SRSF1: variants seen among roughly 807,000 people sequenced by gnomAD.
SRSF1 encodes serine and arginine rich splicing factor 1.
Under a neutral mutation model 25.9 loss-of-function variants are expected in SRSF1, and 1 was observed. The observed-to-expected ratio is 0.04, with a 90% CI of 0.01 to 0.18. SRSF1 has a LOEUF of 0.18. SRSF1 is among the 10% of genes least tolerant of loss of function. The pLI is 1.00. For missense variants in SRSF1, 65 were observed against 350.5 expected (o/e 0.19, Z 6.50); for synonymous variants, 132 against 126.2 (o/e 1.05, Z -0.31).
chr17:58,000,972 C>T lies in SRSF1; in HGVS notation c.*4434G>A, dbSNP rs752244803. Among the ~76,000 whole-genome samples, 12 of 152,054 alleles carry T rather than the reference C, an allele frequency of 7.9e-5. No individual in the cohort carries two copies. The highest frequency in any genetic ancestry group is 3.9e-4 in the Admixed American group (6 of 15,266). On this transcript the variant is annotated 3_prime_UTR_variant, in exon 4 of 4. Coordinates refer to ENST00000258962, the MANE Select transcript of SRSF1 (RefSeq NM_006924.5). ...TCAACAACAGAAAATCTTTTGTTTTCGTAGTTTTTGGATTTCAAAAAATGG... is the reference window on the plus strand; with the variant it reads ...TCAACAACAGAAAATCTTTTGTTTTTGTAGTTTTTGGATTTCAAAAAATGG...
downstream of SRSF1, among the ~76,000 whole-genome samples, chr17:57,999,660 T>C (rs1170508019): frequency 6.6e-6 from 1 of 152,202 alleles, no homozygotes; most frequent in Non-Finnish European, 1.5e-5. Flanking sequence ...TATTTCCTGC[T>C]TAATTTTGTG....
At chr17:57,996,712 A>T (rs979788790), downstream of SRSF1, among the ~76,000 whole-genome samples, 5 of 152,090 alleles carry the variant, frequency 3.3e-5, no homozygotes, top group Non-Finnish European at 7.4e-5. Flanking sequence ...TGGCAAAAGG[A>T]ATGGGGCTGC....
downstream of SRSF1, among the ~76,000 whole-genome samples, chr17:57,996,643 C>T (rs533289785): frequency 6.6e-6 from 1 of 152,072 alleles, no homozygotes; most frequent in East Asian, 1.9e-4. Flanking sequence ...AGAAACAACG[C>T]AATTAGTTCA....
chr17:57,991,644 C>CT, the SRSF1 span: 1 of 152,122 alleles, frequency 6.6e-6, no homozygotes, highest in African/African-American at 2.4e-5. Context: ...TGACACCCCC[C>CT]CCATCCCCCC....
rs528947062 is a variant in SRSF1 at position 58,001,609 on chromosome 17, C to G, written c.*3797G>C. ...TCCTTGGTTAGAAAATAATTATAGG[C>G]TCCCTAAAATATTCTAAGGGGACAT... On this transcript the variant is annotated 3_prime_UTR_variant, in exon 4 of 4. Transcript: ENST00000258962. Among the ~76,000 whole-genome samples, 2 of 152,272 alleles carry G rather than the reference C, an allele frequency of 1.3e-5. No individual in the cohort carries two copies. Among genetic ancestry groups the G allele is most frequent in the Middle Eastern group, 3.4e-3 (1 of 294 alleles).
chr17:57,989,290 C>G, the SRSF1 span: 1 of 398,480 alleles, frequency 2.5e-6, no homozygotes, highest in African/African-American at 2.1e-5. Flanking sequence ...CAGAGACAAG[C>G]TATTATTAAA....
chr17:57,999,659 CTTAA>C, downstream of SRSF1, among the ~76,000 whole-genome samples: 1 of 152,224 alleles, frequency 6.6e-6, no homozygotes, highest in Middle Eastern at 3.4e-3. Flanking sequence ...TTATTTCCTG[CTTAA>C]TTTTGTGTTA....
the SRSF1 span, among the ~76,000 whole-genome samples, chr17:57,995,741 T>C: frequency 2.0e-5 from 3 of 152,196 alleles, no homozygotes; most frequent in Admixed American, 1.3e-4. Context: ...CAAGAATTTC[T>C]CACCACAAGA....
downstream of SRSF1, among the ~76,000 whole-genome samples, chr17:57,998,949 A>C (rs2075374643): frequency 6.6e-6 from 1 of 152,230 alleles, no homozygotes; most frequent in African/African-American, 2.4e-5. Context: ...TATACTGTAA[A>C]CAGGAGACAA....
intron 1 of SRSF1, 134 bp downstream of exon 1, chr17:58,006,810 C>T (rs2075432493): frequency 2.6e-6 from 3 of 1,142,264 alleles, no homozygotes; most frequent in Non-Finnish European, 3.7e-6. Context: ...TACTCGACTC[C>T]TGCATGGGCG....
In SRSF1 at chr17:58,004,425, G is replaced by A. The variant is rs899704067; in HGVS notation, c.*981C>T. 1 of 152,550 alleles carries A rather than the reference G, an allele frequency of 6.6e-6. No individual in the cohort carries two copies. Among genetic ancestry groups the A allele is most frequent in the Non-Finnish European group, 1.5e-5 (1 of 68,058 alleles). The allele number at this position is 152,550 out of a possible 1,614,324, so 9.4% of individuals were successfully genotyped here. A position where few individuals can be genotyped will look rare whatever the true frequency, so the allele number is the denominator to read the frequency against. ...TGAATATTAGTTTAAAGGGGAAGGT[G>A]AGACTTAAAAGTATTCCCAACTAGA... On this transcript the variant is annotated 3_prime_UTR_variant, in exon 4 of 4. Coordinates refer to ENST00000258962, the MANE Select transcript of SRSF1 (RefSeq NM_006924.5).
downstream of SRSF1, among the ~76,000 whole-genome samples, chr17:57,996,483 T>TTAAA (rs538866531): frequency 1.5e-4 from 11 of 72,374 alleles, no homozygotes; most frequent in African/African-American, 6.1e-4. Context: ...GACACTGTCT[T>TTAAA]AAAAAAAAAA....
At position 58,005,371 on chromosome 17, in the gene SRSF1, C is replaced by T. The variant is rs769477719; in HGVS notation, c.*35G>A. 6.8e-6 allele frequency: 11 copies of T among 1,609,086 alleles called. No individual in the cohort carries two copies. Among genetic ancestry groups the T allele is most frequent in the Non-Finnish European group, 8.5e-6 (10 of 1,175,838 alleles). ...GTACTGAATAAAGGAAAACTGTATA[C>T]AACATGGGTTCTACAAAAAGTGTCA... On this transcript the variant is annotated 3_prime_UTR_variant, in exon 4 of 4. Transcript: ENST00000258962. This position sits in a 1 kb window ranked among gnomAD's most constrained non-coding sequence, Gnocchi z 5.2.
downstream of SRSF1, among the ~76,000 whole-genome samples, chr17:57,997,936 C>G (rs2075371311): frequency 6.6e-6 from 1 of 152,162 alleles, no homozygotes; most frequent in Non-Finnish European, 1.5e-5. Flanking sequence ...GGATGTCAGC[C>G]AGGTGCGCTG....
downstream of SRSF1, among the ~76,000 whole-genome samples, chr17:57,997,065 C>T (rs1263297376): frequency 6.6e-6 from 1 of 152,106 alleles, no homozygotes; most frequent in East Asian, 1.9e-4. Context: ...AAGAGAATGA[C>T]TGAAAAAGGA....
At chr17:57,993,832 T>C in the SRSF1 span, 1 of 152,258 alleles carries the variant, frequency 6.6e-6, no homozygotes, top group South Asian at 2.1e-4. Context: ...TGCTAGCTTT[T>C]TGTTTTACTG....
Position 58,006,970 on chromosome 17 carries a change from G to A in SRSF1, c.168C>T (p.Phe56=), listed in dbSNP as rs778912741. 5 of 1,614,274 alleles carry A rather than the reference G, an allele frequency of 3.1e-6. No individual in the cohort carries two copies. Among genetic ancestry groups the A allele is most frequent in the East Asian group, 4.5e-5 (2 of 44,890 alleles). ...GCGGGTCCTCGAACTCAACGAAGGC[G>A]AAGGGCGGTCCCCCGCGGCGATTCT... ...DLKNRRGGPP[F]AFVEFEDPRD... Residue 56 remains phenylalanine, a synonymous_variant, in exon 1 of 4, where the codon TTC becomes TTT. Coordinates refer to ENST00000258962, the MANE Select transcript of SRSF1 (RefSeq NM_006924.5).
downstream of SRSF1, among the ~76,000 whole-genome samples, chr17:57,999,087 C>T (rs1264469883): frequency 2.0e-5 from 3 of 152,010 alleles, no homozygotes; most frequent in Non-Finnish European, 4.4e-5. Flanking sequence ...ACTGTGTCTA[C>T]TGACTTTTTG....
chr17:57,998,307 T>A (rs193212221), downstream of SRSF1, among the ~76,000 whole-genome samples: 19 of 152,294 alleles, frequency 1.2e-4, no homozygotes, highest in Admixed American at 1.2e-3. Context: ...CACCCAGCAC[T>A]TCCCAGTCCT....
Sources: allele counts gnomAD v4.1 joint callset (sites outside exome capture counted in the v4.1 genomes callset), GRCh38; gene constraint gnomAD v4.1.1; non-coding constraint Gnocchi (gnomAD v3.1); transcripts MANE v1.5; gene names NCBI Gene and HGNC (gene_info 2026-07-23, HGNC 2026-07-21).